Variants in PLEKHG4B observed in about 807,000 individuals in gnomAD.
PLEKHG4B encodes the protein pleckstrin homology domain-containing family G member 4B.
Under a neutral mutation model 121.3 loss-of-function variants are expected in PLEKHG4B, and 111 were observed. The ratio of observed to expected loss-of-function variants is 0.92; its 90% CI spans 0.78 to 1.07. The LOEUF (loss-of-function observed/expected upper bound fraction) is 1.07, where lower values mean the gene tolerates loss of function less well. Ranked by LOEUF, PLEKHG4B falls within the 50% of genes least tolerant of loss-of-function variation. The pLI is 0.00. For missense variants in PLEKHG4B, 1,831 were observed against 1,757.8 expected (o/e 1.04, Z -0.74); for synonymous variants, 738 against 725.0 (o/e 1.02, Z -0.29).
intron 6 of PLEKHG4B, among the ~76,000 whole-genome samples, chr5:146,053 C>CCCCCTCCATGGTCCTCCCTCCTT (rs1735398629): frequency 6.6e-6 from 1 of 150,752 alleles, no homozygotes; most frequent in Non-Finnish European, 1.5e-5. Flanking sequence ...CCTCCCTCCT[C>CCCCCTCCATGGTCCTCCCTCCTT]TCCCCCTCCA....
At chr5:161,309 T>G (rs1735991907) in intron 11 of PLEKHG4B, among the ~76,000 whole-genome samples, 1 of 152,266 alleles carries the variant, frequency 6.6e-6, no homozygotes, top group Non-Finnish European at 1.5e-5. Flanking sequence ...CTTACCATAT[T>G]AACCAGTTTC....
rs984124595 is a variant in PLEKHG4B, at chr5:161,871, C to T, written c.2576C>T (p.Ala859Val). The T allele has an allele frequency of 1.2e-6, 2 of 1,613,768 alleles. No individual in the cohort carries two copies. The highest frequency in any genetic ancestry group is 1.3e-5 in the African/African-American group (1 of 75,054). The change falls in exon 12 of 20, where the codon GCC becomes GTC. Residue 859 changes from alanine (A) to valine (V), a missense_variant. By Grantham distance (64) the Ala-to-Val change is moderately conservative. Transcript: ENST00000637938. ...MVQDFRRGLS[A>V]VVSQAECREG... ...CAGGATTTCAGAAGGGGCCTGAGCG[C>T]CGTGGTCAGCCAGGCTGAGTGCAGG...
At position 140,601 on chromosome 5, in the gene PLEKHG4B, C is replaced by G; in HGVS notation, c.1362C>G (p.Ala454=). Residue 454 remains alanine (A), a synonymous_variant, in exon 3 of 20, where the codon GCC becomes GCG. Coordinates refer to ENST00000637938, the MANE Select transcript of PLEKHG4B (RefSeq NM_052909.5). ...PRSSRGAQAA[A]CHTSHHSAGS... ...GCTCCAGAGGGGCCCAGGCTGCAGC[C>G]TGCCACACCTCCCACCACTCAGCAG... The G allele has an allele frequency of 1.2e-6, 2 of 1,610,744 alleles. No homozygotes were observed. Among genetic ancestry groups the G allele is most frequent in the Non-Finnish European group, 1.7e-6 (2 of 1,178,928 alleles).
At chr5:149,998 C>T (rs1735553036) in intron 6 of PLEKHG4B, among the ~76,000 whole-genome samples, 2 of 152,148 alleles carry the variant, frequency 1.3e-5, no homozygotes, top group South Asian at 4.1e-4. Context: ...CCATATGATC[C>T]AACAATACTG....
intron 1 of PLEKHG4B, among the ~76,000 whole-genome samples, chr5:109,793 T>C (rs1734083456): frequency 6.6e-6 from 1 of 152,230 alleles, no homozygotes; most frequent in African/African-American, 2.4e-5. Context: ...GGCTAAGTGA[T>C]TGCACAGAGT....
intron 1 of PLEKHG4B, among the ~76,000 whole-genome samples, chr5:93,216 G>A (rs561777489): frequency 1.3e-5 from 2 of 152,052 alleles, no homozygotes; most frequent in Non-Finnish European, 2.9e-5. Flanking sequence ...CAGCTGGGTG[G>A]GTCCTGAATC....
intron 1 of PLEKHG4B, among the ~76,000 whole-genome samples, chr5:99,246 G>C (rs1733730999): frequency 7.0e-6 from 1 of 142,844 alleles, no homozygotes; most frequent in Admixed American, 7.1e-5. Flanking sequence ...AATTCTATGC[G>C]AATTTGAGGA....
At chr5:151,340 A>C (rs958028656) in intron 6 of PLEKHG4B, among the ~76,000 whole-genome samples, 173 bp from the exon 7 acceptor site, 18 of 152,222 alleles carry the variant, frequency 1.2e-4, no homozygotes, top group African/African-American at 4.3e-4. Context: ...TTACATTAAA[A>C]ATTCATAAGG....
rs561784034 is a variant in PLEKHG4B, at chr5:156,478, G to A, written c.2348+268G>A. ...CTCATTCTTGACCAGTGCTGCCTGG[G>A]GAGCTGTGCCCACCCCCAGCAGTCC... is the stretch of plus-strand genomic sequence containing the variant. On this transcript the variant is annotated intron_variant, in intron 10 of 19. Coordinates refer to ENST00000637938, the MANE Select transcript of PLEKHG4B (RefSeq NM_052909.5). The surrounding 1 kb of genome is among the most constrained non-coding windows in gnomAD (Gnocchi z 4.4). Among the ~76,000 whole-genome samples, 1 of 151,892 alleles carries A rather than the reference G, an allele frequency of 6.6e-6. No individual in the cohort carries two copies. Among genetic ancestry groups the A allele is most frequent in the East Asian group, 2.0e-4 (1 of 5,092 alleles).
At chr5:145,038 G>A (rs1452907760) in intron 6 of PLEKHG4B, 118 bp downstream of exon 6, 10 of 930,690 alleles carry the variant, frequency 1.1e-5, no homozygotes, top group African/African-American at 5.0e-5. Flanking sequence ...GTGAAGATTC[G>A]AGATGGGGGC....
At chr5:181,825 C>A in intron 19 of PLEKHG4B, 150 bp downstream of exon 19, 1 of 1,302,658 alleles carries the variant, frequency 7.7e-7, no homozygotes, top group Non-Finnish European at 1.1e-6. Flanking sequence ...GTGGCCTCGG[C>A]CCCGCCCTCA....
In PLEKHG4B at chr5:101,618, G is replaced by A. The variant is rs576453696; in HGVS notation, c.45+9342G>A. Among the ~76,000 whole-genome samples the A allele has an allele frequency of 5.3e-5, 7 of 132,468 alleles. No homozygotes were observed. In the East Asian group the frequency reaches 6.6e-4, roughly 12 times the overall value. The allele number at this position is 132,468 out of a possible 152,430, so 86.9% of individuals were successfully genotyped here. ...CCATATAAAGCCCTGGGAAAAGTCTGTAGGGGAGAGACTGTTGTGAGGTTA... is the reference window on the plus strand; with the variant it reads ...CCATATAAAGCCCTGGGAAAAGTCTATAGGGGAGAGACTGTTGTGAGGTTA... On this transcript the variant is annotated intron_variant, in intron 1 of 19. Transcript: ENST00000637938.
At chr5:163,786 A>C (rs1736137107) in intron 13 of PLEKHG4B, among the ~76,000 whole-genome samples, 1 of 152,214 alleles carries the variant, frequency 6.6e-6, no homozygotes, top group Admixed American at 6.5e-5. Context: ...ACCTGCACAC[A>C]CTCACTCTGA....
At chr5:169,101 C>T (rs1208119775) in intron 13 of PLEKHG4B, 2 of 541,528 alleles carry the variant, frequency 3.7e-6, no homozygotes, top group Non-Finnish European at 6.6e-6. Flanking sequence ...GTCTCGATCT[C>T]TTGACCTCGT....
intron 2 of PLEKHG4B, among the ~76,000 whole-genome samples, chr5:121,179 G>A (rs1215894984): frequency 6.6e-6 from 1 of 151,886 alleles, no homozygotes; most frequent in Non-Finnish European, 1.5e-5. Flanking sequence ...CCCGGGAGGT[G>A]GAGCTTGCAG....
Position 137,229 on chromosome 5 carries a change from G to A in PLEKHG4B, c.244-2254G>A, listed in dbSNP as rs2126392607. Among the ~76,000 whole-genome samples the A allele has an allele frequency of 6.6e-6, 1 of 152,304 alleles. No homozygotes were observed. Among genetic ancestry groups the A allele is most frequent in the East Asian group, 1.9e-4 (1 of 5,182 alleles). On this transcript the variant is annotated intron_variant, in intron 2 of 19. Transcript: ENST00000637938. The surrounding 1 kb of genome is among the most constrained non-coding windows in gnomAD (Gnocchi z 4.2). ...AGTCAAACTCGTCAAGACAGGAAGT[G>A]GAATGGTGGGTGCCAGGGGCTCAGG...
At chr5:177,761 C>A (rs2126464002) in intron 18 of PLEKHG4B, among the ~76,000 whole-genome samples, 1 of 152,366 alleles carries the variant, frequency 6.6e-6, no homozygotes. Context: ...GGGCCAGCCC[C>A]TTTCCCATGA....
At chr5:93,483 C>G (rs1217685506) in intron 1 of PLEKHG4B, among the ~76,000 whole-genome samples, 2 of 151,902 alleles carry the variant, frequency 1.3e-5, no homozygotes, top group East Asian at 3.9e-4. Context: ...GGTGACCCCC[C>G]CACCGAGAAG....
In PLEKHG4B at chr5:182,798, G is replaced by A; in HGVS notation, c.*475G>A. 5.8e-6 allele frequency: 1 copy of A among 171,320 alleles called. No homozygotes were observed. The highest frequency in any genetic ancestry group is 5.4e-5 in the Admixed American group (1 of 18,524). 10.6% of individuals were successfully genotyped at this position (171,320 alleles called of 1,614,324 possible). ...GTGAGTTGAAGAGACCAAGTCAGCA[G>A]GAGTTGGCAGGTCAGAGTGCCAGAG... On this transcript the variant is annotated 3_prime_UTR_variant, in exon 20 of 20. Transcript: ENST00000637938.
Sources: gnomAD v4.1 joint callset for allele counts (sites outside exome capture counted in the v4.1 genomes callset) on GRCh38, gnomAD v4.1.1 for gene constraint, Gnocchi (gnomAD v3.1) non-coding constraint, MANE v1.5 for transcripts, NCBI Gene and HGNC (gene_info 2026-07-23, HGNC 2026-07-21) for gene names.